TTF2: variants seen among roughly 807,000 people sequenced by gnomAD.
TTF2 encodes the protein RNA polymerase II termination factor.
A neutral mutation model predicts 142.4 loss-of-function variants in TTF2; 108 were observed. The ratio of observed to expected loss-of-function variants is 0.76; its 90% CI spans 0.65 to 0.89. The LOEUF (loss-of-function observed/expected upper bound fraction) is 0.89. TTF2 is among the 40% of genes least tolerant of loss of function. TTF2 has a pLI of 0.00. For missense variants in TTF2, 1,327 were observed against 1,379.8 expected, an observed-to-expected ratio of 0.96 and a Z score of 0.61; for synonymous variants, 483 against 506.2, an observed-to-expected ratio of 0.95 and a Z score of 0.61.
chr1:117,082,359 T>G (rs185182053), intron 10 of TTF2, among the ~76,000 whole-genome samples: 2 of 152,078 alleles, frequency 1.3e-5, no homozygotes, highest in Non-Finnish European at 2.9e-5. Context: ...ACCACAAGTT[T>G]GCACCACCAC....
Position 117,092,314 on chromosome 1 carries a change from C to T in TTF2, c.2805+364C>T, listed in dbSNP as rs1034830826. Among the ~76,000 whole-genome samples, 1 of 152,074 alleles carries T rather than the reference C, an allele frequency of 6.6e-6. No individual in the cohort carries two copies. Among genetic ancestry groups the T allele is most frequent in the African/African-American group, 2.4e-5 (1 of 41,404 alleles). Reference sequence around the variant, plus strand: ...GTTCTTGGGGTTTTCTGCTTTCAGGCAGTTTTGGGGTTTTGGGTTCCAGTT... The same window carrying T: ...GTTCTTGGGGTTTTCTGCTTTCAGGTAGTTTTGGGGTTTTGGGTTCCAGTT... On this transcript the variant is annotated intron_variant, in intron 17 of 22. Transcript: ENST00000369466. The surrounding 1 kb of genome is among the most constrained non-coding windows in gnomAD (Gnocchi z 4.4).
intron 3 of TTF2, among the ~76,000 whole-genome samples, chr1:117,064,839 C>CT (rs745329992): frequency 4.3e-4 from 60 of 139,300 alleles, no homozygotes; most frequent in South Asian, 2.3e-3. Flanking sequence ...TTTTCTTCTT[C>CT]TTTTTTTTTT....
chr1:117,071,419 A>G (rs1276778541), intron 3 of TTF2, among the ~76,000 whole-genome samples: 1 of 152,232 alleles, frequency 6.6e-6, no homozygotes, highest in Non-Finnish European at 1.5e-5. Context: ...ATTCAGCAGT[A>G]TGTATGTTAT....
At position 117,098,908 on chromosome 1, in the gene TTF2, G is replaced by T. The variant is rs368926858; in HGVS notation, c.3344+1G>T. On this transcript the variant is annotated splice_donor_variant, in intron 22 of 22. Coordinates refer to ENST00000369466, the MANE Select transcript of TTF2 (RefSeq NM_003594.4). LOFTEE classifies it high-confidence loss of function. ...AGCAGAAAGATGTTGTCATACACAG[G>T]TAAGTAATGGTCCCCAGGACCCAGG... 3.1e-6 allele frequency: 5 copies of T among 1,612,232 alleles called. No individual in the cohort carries two copies. In the African/African-American group the frequency reaches 6.7e-5, roughly 22 times the overall value.
At chr1:117,077,802 A>G in intron 7 of TTF2, 114 bp from the exon 8 acceptor site, 19 of 1,326,312 alleles carry the variant, frequency 1.4e-5, no homozygotes, top group Non-Finnish European at 2.0e-5. Context: ...TGAGGAGAGT[A>G]GTTAACAAGG....
chr1:117,066,188 C>T (rs965544406), intron 3 of TTF2, among the ~76,000 whole-genome samples: 3 of 151,772 alleles, frequency 2.0e-5, no homozygotes, highest in Admixed American at 6.6e-5. Context: ...TTTCAATATC[C>T]GTGTTTACCA....
intron 3 of TTF2, among the ~76,000 whole-genome samples, chr1:117,064,611 G>T (rs894700579): frequency 3.3e-5 from 5 of 152,120 alleles, no homozygotes. Context: ...ACCATCTCCT[G>T]GGTTCAAGCA....
At chr1:117,065,559 C>T (rs923697320) in intron 3 of TTF2, among the ~76,000 whole-genome samples, 3 of 152,116 alleles carry the variant, frequency 2.0e-5, no homozygotes, top group Non-Finnish European at 4.4e-5. Context: ...ATCGCGCCAC[C>T]GCACTCCAGC....
At chr1:117,083,287 C>T (rs1394444310) in intron 10 of TTF2, among the ~76,000 whole-genome samples, 1 of 151,878 alleles carries the variant, frequency 6.6e-6, no homozygotes, top group Non-Finnish European at 1.5e-5. Flanking sequence ...CTCTCAGGGC[C>T]TCTAATGAGC....
chr1:117,091,387 G>A lies in TTF2; in HGVS notation c.2648G>A (p.Ser883Asn). 1.2e-6 allele frequency: 2 copies of A among 1,613,476 alleles called. No homozygotes were observed. Among genetic ancestry groups the A allele is most frequent in the Non-Finnish European group, 1.7e-6 (2 of 1,179,898 alleles). Residue 883 changes from serine to asparagine, a missense_variant, in exon 16 of 23, where the codon AGC becomes AAC. Transcript: ENST00000369466. The stretch of plus-strand genomic sequence containing the variant: ...AGTAGAGGCAACCAATCTGGAAGAA[G>A]CCCTAATAATCCATTCAGTAGAGGT... ...HESRGNQSGR[S>N]PNNPFSRVAL...
chr1:117,090,244 G>A lies in TTF2; in HGVS notation c.2496+36G>A. On this transcript the variant is annotated intron_variant, in intron 14 of 22. Transcript: ENST00000369466. The surrounding 1 kb of genome is among the most constrained non-coding windows in gnomAD (Gnocchi z 4.8). Reference sequence around the variant, plus strand: ...TTGTACCTGTCCCTGGGGGAGGCCAGGGAAGGAACATGACTGTGTCCTTGT... The same window carrying A: ...TTGTACCTGTCCCTGGGGGAGGCCAAGGAAGGAACATGACTGTGTCCTTGT... The A allele has an allele frequency of 6.2e-7, 1 of 1,606,858 alleles. No individual in the cohort carries two copies.
intron 3 of TTF2, among the ~76,000 whole-genome samples, chr1:117,069,605 T>C (rs1471207497): frequency 1.3e-5 from 2 of 152,198 alleles, no homozygotes; most frequent in African/African-American, 4.8e-5. Context: ...CCGTATGAGG[T>C]ATGGACTATA....
rs1339799710 is a variant in TTF2, at chr1:117,103,202, C to T, written c.*1678C>T. The T allele has an allele frequency of 2.0e-5, 3 of 152,132 alleles. No individual in the cohort carries two copies. Among genetic ancestry groups the T allele is most frequent in the African/African-American group, 4.8e-5 (2 of 41,432 alleles). The allele number at this position is 152,132 out of a possible 1,614,324, so 9.4% of individuals were successfully genotyped here. On this transcript the variant is annotated 3_prime_UTR_variant, in exon 23 of 23. Transcript: ENST00000369466. Reference sequence around the variant, plus strand: ...GTGAAGCCTCAGTCCCAGGATGGCTCCCCATGTACACTTCCCTCCTCGCCC... The same window carrying T: ...GTGAAGCCTCAGTCCCAGGATGGCTTCCCATGTACACTTCCCTCCTCGCCC...
At position 117,076,380 on chromosome 1, in the gene TTF2, G is replaced by A; in HGVS notation, c.1390+86G>A. 1.8e-6 allele frequency: 2 copies of A among 1,105,246 alleles called. No homozygotes were observed. The highest frequency in any genetic ancestry group is 2.6e-6 in the Non-Finnish European group (2 of 767,134). 68.5% of individuals were successfully genotyped at this position (1,105,246 alleles called of 1,614,324 possible). On this transcript the variant is annotated intron_variant, in intron 6 of 22. Transcript: ENST00000369466. The surrounding 1 kb of genome is among the most constrained non-coding windows in gnomAD (Gnocchi z 4.6). Reference sequence around the variant, plus strand: ...AAGCCCTTTTAATAAAGAATGTGTTGATTCATTCACTTTTCCATTTTATTA... The same window carrying A: ...AAGCCCTTTTAATAAAGAATGTGTTAATTCATTCACTTTTCCATTTTATTA...
Position 117,075,203 on chromosome 1 carries a change from G to A in TTF2, c.619G>A (p.Glu207Lys). The change falls in exon 5 of 23, where the codon GAG becomes AAG. Residue 207 changes from glutamate (E) to lysine (K), a missense_variant. Glu to Lys is a moderately conservative substitution (Grantham distance 56). Coordinates refer to ENST00000369466, the MANE Select transcript of TTF2 (RefSeq NM_003594.4). The surrounding 1 kb of genome is among the most constrained non-coding windows in gnomAD (Gnocchi z 4.5). The part of the protein sequence containing the change: ...EEGAEIQCEA[E>K]TGGTHKRDFS... ...GGGAGCAGAGATTCAGTGTGAGGCA[G>A]AGACTGGAGGCACACACAAAAGAGA... 1 of 1,614,228 alleles carries A rather than the reference G, an allele frequency of 6.2e-7. No individual in the cohort carries two copies. The highest frequency in any genetic ancestry group is 8.5e-7 in the Non-Finnish European group (1 of 1,180,042).
In TTF2 at chr1:117,092,887, C is replaced by T. The variant is rs145988111; in HGVS notation, c.2962C>T (p.Arg988Ter). ...FFKMELFEGM[R>*]ESTKISSLLA... ...CAAGATGGAGCTTTTTGAAGGCATG[C>T]GAGAGAGCACCAAGGTACTTTTTGT... Residue 988 changes from arginine to a stop codon, truncating the protein, a stop_gained, in exon 18 of 23, where the codon CGA becomes TGA. Transcript: ENST00000369466. LOFTEE classifies it high-confidence loss of function. This position sits in a 1 kb window ranked among gnomAD's most constrained non-coding sequence, Gnocchi z 4.4. The T allele has an allele frequency of 8.7e-6, 14 of 1,614,154 alleles. No individual in the cohort carries two copies. The highest frequency in any genetic ancestry group is 7.7e-5 in the South Asian group (7 of 91,080).
rs1648690865 is a variant in TTF2, at chr1:117,092,669, A to C, written c.2806-62A>C. 1 of 1,547,842 alleles carries C rather than the reference A, an allele frequency of 6.5e-7. No individual in the cohort carries two copies. Among genetic ancestry groups the C allele is most frequent in the African/African-American group, 1.4e-5 (1 of 72,616 alleles). ...AGTGGTAAACAATCAAAACATCATCAACAAGTAACAAGGTTTGCTCCCTTG... is the reference window on the plus strand; with the variant it reads ...AGTGGTAAACAATCAAAACATCATCCACAAGTAACAAGGTTTGCTCCCTTG... On this transcript the variant is annotated intron_variant, in intron 17 of 22. Coordinates refer to ENST00000369466, the MANE Select transcript of TTF2 (RefSeq NM_003594.4). The surrounding 1 kb of genome is among the most constrained non-coding windows in gnomAD (Gnocchi z 4.4).
In TTF2 at chr1:117,085,829, G is replaced by T. The variant is rs569170584; in HGVS notation, c.2055-588G>T. On this transcript the variant is annotated intron_variant, in intron 11 of 22. Transcript: ENST00000369466. The surrounding 1 kb of genome is among the most constrained non-coding windows in gnomAD (Gnocchi z 4.7). Reference sequence around the variant, plus strand: ...TGTTTCTCATTAATAATCTTTATATGTAAGGAGTATAAGCAAGATACACTG... The same window carrying T: ...TGTTTCTCATTAATAATCTTTATATTTAAGGAGTATAAGCAAGATACACTG... 6.6e-6 allele frequency among the ~76,000 whole-genome samples: 1 copy of T among 152,194 alleles called. No homozygotes were observed. Among genetic ancestry groups the T allele is most frequent in the East Asian group, 1.9e-4 (1 of 5,180 alleles).
At position 117,086,188 on chromosome 1, in the gene TTF2, C is replaced by T. The variant is rs190064989; in HGVS notation, c.2055-229C>T. On this transcript the variant is annotated intron_variant, in intron 11 of 22. Transcript: ENST00000369466. The surrounding 1 kb of genome is among the most constrained non-coding windows in gnomAD (Gnocchi z 4.2). ...GGCTGTGGTAGCTATAGTGAGCAGA[C>T]GGTAAATGATCAGAGGTAAGAGATA... Among the ~76,000 whole-genome samples, 34 of 151,998 alleles carry T rather than the reference C, an allele frequency of 2.2e-4. No homozygotes were observed. Among genetic ancestry groups the T allele is most frequent in the African/African-American group, 6.8e-4 (28 of 41,428 alleles).
Sources: gnomAD v4.1 joint callset for allele counts (sites outside exome capture counted in the v4.1 genomes callset) on GRCh38, gnomAD v4.1.1 for gene constraint, Gnocchi (gnomAD v3.1) non-coding constraint, MANE v1.5 for transcripts, NCBI Gene and HGNC (gene_info 2026-07-23, HGNC 2026-07-21) for gene names.